Variants in PRKN observed in about 807,000 individuals in gnomAD.
PRKN encodes the protein parkin RBR E3 ubiquitin protein ligase.
Under a neutral mutation model 59.5 loss-of-function variants are expected in PRKN, and 56 were observed. The observed-to-expected ratio is 0.94, with a 90% CI of 0.76 to 1.18. PRKN has a LOEUF of 1.18. Ranked by LOEUF, PRKN falls within the 50% of genes most tolerant of loss-of-function variation. PRKN has a pLI of 0.00. For missense variants in PRKN, 657 were observed against 596.4 expected, an observed-to-expected ratio of 1.10 and a Z score of -1.06; for synonymous variants, 250 against 222.1, an observed-to-expected ratio of 1.13 and a Z score of -1.12.
chr6:162,276,086 G>A (rs536243178), intron 2 of PRKN, among the ~76,000 whole-genome samples: 4 of 152,248 alleles, frequency 2.6e-5, no homozygotes, highest in African/African-American at 7.2e-5. Context: ...ATTCATAAAC[G>A]TCTGTCAGCT....
At chr6:162,465,761 A>G (rs1040876440) in intron 1 of PRKN, among the ~76,000 whole-genome samples, 5 of 152,210 alleles carry the variant, frequency 3.3e-5, no homozygotes, top group African/African-American at 1.2e-4. Flanking sequence ...ATATTATATG[A>G]TAATTATATA....
chr6:162,411,363 T>C (rs1276651477), intron 2 of PRKN, among the ~76,000 whole-genome samples: 2 of 152,156 alleles, frequency 1.3e-5, no homozygotes, highest in African/African-American at 2.4e-5. Flanking sequence ...ACAAATTTAC[T>C]TTCTAGACAA....
chr6:161,371,641 T>C lies in PRKN; in HGVS notation c.1168-11436A>G, dbSNP rs1785448888. On this transcript the variant is annotated intron_variant, in intron 10 of 11. Coordinates refer to ENST00000366898, the MANE Select transcript of PRKN (RefSeq NM_004562.3). The surrounding 1 kb of genome is among the most constrained non-coding windows in gnomAD (Gnocchi z 5.5). ...AATTCAGAAGGGCATTTGTTTTTAT[T>C]TATTTATCTATTTTTGAGACGGAGT... Among the ~76,000 whole-genome samples the C allele has an allele frequency of 6.6e-6, 1 of 151,772 alleles. No homozygotes were observed. Among genetic ancestry groups the C allele is most frequent in the Non-Finnish European group, 1.5e-5 (1 of 67,954 alleles).
intron 1 of PRKN, among the ~76,000 whole-genome samples, chr6:162,556,754 A>AAAG (rs1779620966): frequency 6.6e-6 from 1 of 151,114 alleles, no homozygotes; most frequent in South Asian, 2.1e-4. Context: ...TCAAAAAAAA[A>AAAG]AAAAAAAAAG....
chr6:162,399,279 A>T (rs1275240847), intron 2 of PRKN, among the ~76,000 whole-genome samples: 2 of 152,188 alleles, frequency 1.3e-5, no homozygotes, highest in African/African-American at 4.8e-5. Flanking sequence ...TCAAAATCAG[A>T]ATGGGGTAAA....
chr6:161,963,591 A>T, intron 6 of PRKN, among the ~76,000 whole-genome samples: 1 of 152,230 alleles, frequency 6.6e-6, no homozygotes, highest in East Asian at 1.9e-4. Flanking sequence ...TCAAAATTGG[A>T]CATTTCCCCT....
At chr6:162,558,839 G>A (rs1779720721) in intron 1 of PRKN, among the ~76,000 whole-genome samples, 1 of 150,480 alleles carries the variant, frequency 6.6e-6, no homozygotes, top group African/African-American at 2.5e-5. Context: ...ATGGAGTTTT[G>A]CCATGTTGCC....
intron 5 of PRKN, among the ~76,000 whole-genome samples, chr6:162,013,085 G>A (rs570268020): frequency 4.6e-5 from 7 of 152,042 alleles, no homozygotes; most frequent in Non-Finnish European, 1.0e-4. Flanking sequence ...TAGTATGATG[G>A]TTGCCAAACT....
intron 7 of PRKN, among the ~76,000 whole-genome samples, chr6:161,680,760 TATA>T (rs1785311231): frequency 3.3e-4 from 6 of 17,980 alleles, no homozygotes; most frequent in African/African-American, 1.1e-3. Flanking sequence ...TATATATATA[TATA>T]TATATATATA....
chr6:162,691,887 T>C (rs935087503), intron 1 of PRKN, among the ~76,000 whole-genome samples: 1 of 152,054 alleles, frequency 6.6e-6, no homozygotes, highest in Admixed American at 6.6e-5. Context: ...CGCAAATACG[T>C]TGGGCTATTT....
rs1784452672 is a variant in PRKN at position 161,349,980 on chromosome 6, A to AGG, written c.*118_*119insCC. 1 of 739,464 alleles carries AGG rather than the reference A, an allele frequency of 1.4e-6. No individual in the cohort carries two copies. Among genetic ancestry groups the AGG allele is most frequent in the South Asian group, 1.5e-5 (1 of 67,656 alleles). The allele number at this position is 739,464 out of a possible 1,614,324, so 45.8% of individuals were successfully genotyped here. On this transcript the variant is annotated 3_prime_UTR_variant, in exon 12 of 12. Coordinates refer to ENST00000366898, the MANE Select transcript of PRKN (RefSeq NM_004562.3). The surrounding 1 kb of genome is among the most constrained non-coding windows in gnomAD (Gnocchi z 5.5). ...GTAGTTGGACTTTGAAAAAAACTTG[A>AGG]AGAGTGTGTGTGCGCGCGCGCGCGT...
At chr6:161,944,019 T>G (rs1164456144) in intron 6 of PRKN, among the ~76,000 whole-genome samples, 4,518 of 91,742 alleles carry the variant, frequency 0.049, 101 homozygotes, top group East Asian at 0.14. Flanking sequence ...GCCTGAGGGA[T>G]CAGCCTGAGG....
chr6:162,629,613 C>T (rs1783026790), intron 1 of PRKN, among the ~76,000 whole-genome samples: 1 of 152,022 alleles, frequency 6.6e-6, no homozygotes, highest in Non-Finnish European at 1.5e-5. Flanking sequence ...TTCTTTTAGT[C>T]AACATTTTAA....
At chr6:161,490,304 TCTTTCTTG>T in intron 9 of PRKN, among the ~76,000 whole-genome samples, 1 of 97,088 alleles carries the variant, frequency 1.0e-5, no homozygotes, top group African/African-American at 3.2e-5. Flanking sequence ...TCTCTACTTT[TCTTTCTTG>T]CTTGCTTGCT....
At chr6:161,520,492 T>A (rs1778781193) in intron 9 of PRKN, among the ~76,000 whole-genome samples, 1 of 152,142 alleles carries the variant, frequency 6.6e-6, no homozygotes, top group Non-Finnish European at 1.5e-5. Context: ...CCTTTCAAAG[T>A]GCTGGGATTA....
At chr6:161,678,114 ATACTCT>A (rs1446510374) in intron 7 of PRKN, among the ~76,000 whole-genome samples, 2 of 151,780 alleles carry the variant, frequency 1.3e-5, no homozygotes, top group African/African-American at 2.4e-5. Flanking sequence ...TGTTTTTAAA[ATACTCT>A]TACTCTTTAA....
At chr6:161,959,769 T>C (rs781386146) in intron 6 of PRKN, among the ~76,000 whole-genome samples, 3 of 152,210 alleles carry the variant, frequency 2.0e-5, no homozygotes, top group Non-Finnish European at 4.4e-5. Context: ...ATAAGTGATT[T>C]AGATTTGTGT....
chr6:161,933,310 A>G (rs1779234894), intron 6 of PRKN, among the ~76,000 whole-genome samples: 1 of 152,168 alleles, frequency 6.6e-6, no homozygotes, highest in South Asian at 2.1e-4. Context: ...CTGAGAAAAT[A>G]AAATATATAT....
At chr6:162,240,386 G>A (rs1233597427) in intron 3 of PRKN, among the ~76,000 whole-genome samples, 1 of 151,996 alleles carries the variant, frequency 6.6e-6, no homozygotes, top group African/African-American at 2.4e-5. Context: ...CCTATGTGTG[G>A]ACTGGCAGCA....
Sources: allele counts gnomAD v4.1 joint callset (sites outside exome capture counted in the v4.1 genomes callset), GRCh38; gene constraint gnomAD v4.1.1; non-coding constraint Gnocchi (gnomAD v3.1); transcripts MANE v1.5; gene names NCBI Gene and HGNC (gene_info 2026-07-23, HGNC 2026-07-21).